TSC22D2: variants seen among roughly 807,000 people sequenced by gnomAD.
The protein encoded by TSC22D2 is TSC22 domain family protein 2.
In TSC22D2, 5 loss-of-function variants were observed where a neutral mutation model predicts 50.1. The observed-to-expected ratio is 0.10, with a 90% confidence interval of 0.05 to 0.21. TSC22D2 has a LOEUF of 0.21. Among genes scored for constraint, TSC22D2 ranks in the 10% least tolerant of loss-of-function variants. The probability of loss-of-function intolerance (pLI) is 1.00; values close to 1 mark genes in which losing one functional copy is unlikely to be tolerated. For synonymous variants in TSC22D2, 501 were observed against 450.1 expected, an observed-to-expected ratio of 1.11 and a Z score of -1.43; for missense variants, 1,003 against 1,015.5, an observed-to-expected ratio of 0.99 and a Z score of 0.17.
chr3:150,409,331 G>A lies in TSC22D2; in HGVS notation c.-20G>A. On this transcript the variant is annotated 5_prime_UTR_variant, in exon 1 of 3. Coordinates refer to ENST00000688009, the MANE Select transcript of TSC22D2 (RefSeq NM_001303264.2). This position sits in a 1 kb window ranked among gnomAD's most constrained non-coding sequence, Gnocchi z 7.4. The stretch of plus-strand genomic sequence containing the variant: ...CCCAGAGGAGCCGGCGTGCCTCTCT[G>A]CCCTCCAGCCTTCTTCACCATGTCC... 1.3e-6 allele frequency: 2 copies of A among 1,575,048 alleles called. No individual in the cohort carries two copies. Among genetic ancestry groups the A allele is most frequent in the Non-Finnish European group, 1.7e-6 (2 of 1,155,238 alleles).
intron 1 of TSC22D2, among the ~76,000 whole-genome samples, chr3:150,428,590 A>G (rs1050497333): frequency 2.2e-5 from 2 of 91,852 alleles, no homozygotes; most frequent in Non-Finnish European, 5.4e-5. Context: ...TTGACTGGGT[A>G]TAGTAAAAAA....
rs182520710 is a variant in TSC22D2, at chr3:150,424,791, T to C, written c.1958+13483T>C. On this transcript the variant is annotated intron_variant, in intron 1 of 2. Transcript: ENST00000688009. Reference sequence around the variant, plus strand: ...GTAGTGTGTTAATGCCAAAATATAATAAAATCAAAATATAATCAGATCAGC... The same window carrying C: ...GTAGTGTGTTAATGCCAAAATATAACAAAATCAAAATATAATCAGATCAGC... Among the ~76,000 whole-genome samples, 426 of 152,326 alleles carry C rather than the reference T, an allele frequency of 2.8e-3. 1 individual carries two copies. The highest frequency in any genetic ancestry group is 4.1e-3 in the Non-Finnish European group (279 of 68,032).
intron 1 of TSC22D2, among the ~76,000 whole-genome samples, chr3:150,412,473 C>G (rs891165524): frequency 2.6e-5 from 4 of 152,076 alleles, no homozygotes; most frequent in African/African-American, 9.7e-5. Context: ...CTTCTGAGTT[C>G]CTTCACATTT....
At chr3:150,441,980 T>C (rs9784335) in intron 1 of TSC22D2, among the ~76,000 whole-genome samples, 63,622 of 152,028 alleles carry the variant, frequency 0.42, 13,359 homozygotes, top group Middle Eastern at 0.56. Flanking sequence ...AGTACTGCCA[T>C]ATCTGCCTCC....
At position 150,408,839 on chromosome 3, in the gene TSC22D2, C is replaced by T. The variant is rs1719362680; in HGVS notation, c.-512C>T. 1 of 153,642 alleles carries T rather than the reference C, an allele frequency of 6.5e-6. No homozygotes were observed. Among genetic ancestry groups the T allele is most frequent in the Non-Finnish European group, 1.4e-5 (1 of 68,984 alleles). 9.5% of individuals were successfully genotyped at this position (153,642 alleles called of 1,614,324 possible). ...CGCTCCTTCCCTCAGTCAGAGAGCC[C>T]AGCGCTGACGCCGGCACCGGCCTGA... On this transcript the variant is annotated 5_prime_UTR_variant, in exon 1 of 3. Transcript: ENST00000688009.
At position 150,457,093 on chromosome 3, in the gene TSC22D2, T is replaced by G. The variant is rs933702638; in HGVS notation, c.1976T>G (p.Val659Gly). 6.2e-6 allele frequency: 10 copies of G among 1,611,966 alleles called. No individual in the cohort carries two copies. Among genetic ancestry groups the G allele is most frequent in the Non-Finnish European group, 8.5e-6 (10 of 1,179,540 alleles). ...TTTTCCAGTGCATCTGGGGGAGGTG[T>G]TGTAGCCATTGACAACAAAATAGAA... ...GDEDSASGGG[V>G]VAIDNKIEQA... Residue 659 changes from valine to glycine, a missense_variant, in exon 2 of 3, where the codon GTT becomes GGT. By Grantham distance (109) the Val-to-Gly change is moderately radical. Around this residue, in one of 6 missense-constraint regions of TSC22D2, gnomAD observed 696 missense variants for 647.8 expected, o/e 1.07. Coordinates refer to ENST00000688009, the MANE Select transcript of TSC22D2 (RefSeq NM_001303264.2).
intron 1 of TSC22D2, among the ~76,000 whole-genome samples, chr3:150,437,878 T>C (rs1720596548): frequency 6.6e-6 from 1 of 151,890 alleles, no homozygotes; most frequent in South Asian, 2.1e-4. Context: ...GACCAAACAA[T>C]ATAACTCAAA....
intron 1 of TSC22D2, among the ~76,000 whole-genome samples, chr3:150,428,071 A>G (rs541717707): frequency 1.1e-4 from 17 of 152,178 alleles, no homozygotes; most frequent in Admixed American, 3.3e-4. Context: ...CCAGGATCCA[A>G]TTCAGGATTC....
At chr3:150,455,188 C>G (rs1172372701) in intron 1 of TSC22D2, among the ~76,000 whole-genome samples, 16 of 152,054 alleles carry the variant, frequency 1.1e-4, no homozygotes, top group Admixed American at 1.0e-3. Context: ...AATTTAAATG[C>G]CTGTCACCGT....
chr3:150,429,785 A>G (rs1720324145), intron 1 of TSC22D2, among the ~76,000 whole-genome samples: 1 of 152,156 alleles, frequency 6.6e-6, no homozygotes, highest in South Asian at 2.1e-4. Flanking sequence ...TCTCTTTAAC[A>G]ATACGTGTTT....
At position 150,442,151 on chromosome 3, in the gene TSC22D2, T is replaced by C. The variant is rs547611427; in HGVS notation, c.1959-14925T>C. 2.0e-5 allele frequency among the ~76,000 whole-genome samples: 3 copies of C among 152,296 alleles called. No homozygotes were observed. In the East Asian group the frequency reaches 5.8e-4, roughly 29 times the overall value. The stretch of plus-strand genomic sequence containing the variant: ...TTTACTTGGAACATTTTTTTGTACC[T>C]ATCTTTTTTTTCTCCACCCAACTGT... On this transcript the variant is annotated intron_variant, in intron 1 of 2. Coordinates refer to ENST00000688009, the MANE Select transcript of TSC22D2 (RefSeq NM_001303264.2).
At chr3:150,415,043 T>G (rs1186633850) in intron 1 of TSC22D2, among the ~76,000 whole-genome samples, 1 of 151,642 alleles carries the variant, frequency 6.6e-6, no homozygotes. Context: ...ATATGTGTCA[T>G]TATTGTTTAG....
intron 1 of TSC22D2, among the ~76,000 whole-genome samples, chr3:150,444,172 C>T (rs1047894205): frequency 2.0e-5 from 3 of 152,092 alleles, no homozygotes; most frequent in Admixed American, 6.5e-5. Context: ...AAAAAATTCT[C>T]GAGGTCTGCC....
At chr3:150,438,057 C>A in intron 1 of TSC22D2, 1 of 230,172 alleles carries the variant, frequency 4.3e-6, no homozygotes, top group South Asian at 4.9e-5. Flanking sequence ...TTGAATTTTC[C>A]AGATCAAATA....
intron 1 of TSC22D2, among the ~76,000 whole-genome samples, chr3:150,437,005 C>T (rs975087574): frequency 6.6e-6 from 1 of 152,058 alleles, no homozygotes; most frequent in Non-Finnish European, 1.5e-5. Flanking sequence ...CCTTTTCTTT[C>T]CCCCATCCCT....
At position 150,458,648 on chromosome 3, in the gene TSC22D2, G is replaced by A. The variant is rs1295912763; in HGVS notation, c.*12G>A. The A allele has an allele frequency of 7.5e-6, 12 of 1,610,250 alleles. No individual in the cohort carries two copies. The highest frequency in any genetic ancestry group is 1.0e-5 in the Non-Finnish European group (12 of 1,178,282). On this transcript the variant is annotated 3_prime_UTR_variant, in exon 3 of 3. Coordinates refer to ENST00000688009, the MANE Select transcript of TSC22D2 (RefSeq NM_001303264.2). Reference sequence around the variant, plus strand: ...TCTCCTCAGCATAAAGCTTTCTTAAGCCTCATTAAGAAAAAAACTGAAAGC... The same window carrying A: ...TCTCCTCAGCATAAAGCTTTCTTAAACCTCATTAAGAAAAAAACTGAAAGC...
intron 1 of TSC22D2, among the ~76,000 whole-genome samples, chr3:150,456,055 T>A (rs1479668323): frequency 6.6e-6 from 1 of 152,208 alleles, no homozygotes; most frequent in Non-Finnish European, 1.5e-5. Flanking sequence ...GCTTACAGGC[T>A]GGATAACTTT....
intron 1 of TSC22D2, among the ~76,000 whole-genome samples, chr3:150,427,400 A>T (rs1019712251): frequency 1.3e-5 from 2 of 151,814 alleles, no homozygotes; most frequent in Non-Finnish European, 2.9e-5. Flanking sequence ...ACCATACACT[A>T]TGTGTTTTGT....
At chr3:150,448,787 A>G (rs1304078187) in intron 1 of TSC22D2, among the ~76,000 whole-genome samples, 15 of 151,842 alleles carry the variant, frequency 9.9e-5, no homozygotes, top group Admixed American at 5.3e-4. Context: ...GAATTTTACT[A>G]CCAAATATTA....
Sources: allele counts gnomAD v4.1 joint callset (sites outside exome capture counted in the v4.1 genomes callset), GRCh38; gene constraint gnomAD v4.1.1; regional missense constraint gnomAD v4.1.1; non-coding constraint Gnocchi (gnomAD v3.1); transcripts MANE v1.5; gene names NCBI Gene and HGNC (gene_info 2026-07-23, HGNC 2026-07-21).